Variants in CAMK2B observed in about 807,000 individuals in gnomAD.
The protein encoded by CAMK2B is calcium/calmodulin-dependent protein kinase type II subunit beta.
A neutral mutation model predicts 93.7 loss-of-function variants in CAMK2B; 27 were observed. That is an observed-to-expected ratio of 0.29 (90% CI 0.21 to 0.40). The LOEUF is 0.40. Ranked by LOEUF, CAMK2B falls within the 10% of genes least tolerant of loss-of-function variation. CAMK2B has a pLI of 1.00. For missense variants in CAMK2B, 568 were observed against 895.8 expected, an observed-to-expected ratio of 0.63 and a Z score of 4.67; for synonymous variants, 374 against 358.8, an observed-to-expected ratio of 1.04 and a Z score of -0.48.
At chr7:44,243,076 AGGG>A in intron 8 of CAMK2B, among the ~76,000 whole-genome samples, 171 bp downstream of exon 8, 1 of 152,336 alleles carries the variant, frequency 6.6e-6, no homozygotes, top group South Asian at 2.1e-4. Flanking sequence ...CTGGGTGGAA[AGGG>A]GGCTCTTGGC....
Position 44,248,512 on chromosome 7 carries a change from C to T in CAMK2B, c.342-1320G>A, listed in dbSNP as rs1026376278. 8.5e-5 allele frequency among the ~76,000 whole-genome samples: 13 copies of T among 152,168 alleles called. No individual in the cohort carries two copies. The highest frequency in any genetic ancestry group is 6.5e-5 in the Admixed American group (1 of 15,274). Reference sequence around the variant, plus strand: ...CCTGGAGGCATTTGCCACAGGCTGCCGATGCCCACCTGCCTGGGGTCTCAG... The same window carrying T: ...CCTGGAGGCATTTGCCACAGGCTGCTGATGCCCACCTGCCTGGGGTCTCAG... On this transcript the variant is annotated intron_variant, in intron 5 of 23. Transcript: ENST00000395749. The surrounding 1 kb of genome is among the most constrained non-coding windows in gnomAD (Gnocchi z 4.1).
chr7:44,294,319 G>A (rs896676603), intron 1 of CAMK2B, among the ~76,000 whole-genome samples: 1 of 152,184 alleles, frequency 6.6e-6, no homozygotes, highest in Non-Finnish European at 1.5e-5. Context: ...GCTGCTGATG[G>A]GTGGCCTCAG....
intron 23 of CAMK2B, 135 bp downstream of exon 23, chr7:44,219,925 C>T: frequency 1.4e-6 from 1 of 736,030 alleles, no homozygotes; most frequent in Non-Finnish European, 2.2e-6. Flanking sequence ...CCTGTGGCCT[C>T]ACCAGGAAAG....
intron 2 of CAMK2B, among the ~76,000 whole-genome samples, chr7:44,282,584 A>T (rs2097110979): frequency 6.6e-6 from 1 of 152,210 alleles, no homozygotes; most frequent in African/African-American, 2.4e-5. Context: ...GGAGGCAGAC[A>T]AGGGCTGGGA....
intron 1 of CAMK2B, among the ~76,000 whole-genome samples, chr7:44,305,929 G>T (rs534962824): frequency 5.1e-4 from 78 of 151,738 alleles, no homozygotes; most frequent in African/African-American, 1.8e-3. Flanking sequence ...ACAGAAATGG[G>T]CAAACACCAC....
chr7:44,281,868 C>G (rs2097104993), intron 2 of CAMK2B, among the ~76,000 whole-genome samples: 2 of 152,184 alleles, frequency 1.3e-5, no homozygotes, highest in Non-Finnish European at 2.9e-5. Context: ...CGGCCAGGGG[C>G]CACCTCCAGG....
intron 13 of CAMK2B, among the ~76,000 whole-genome samples, chr7:44,236,865 G>A (rs1177720752): frequency 2.0e-5 from 3 of 152,210 alleles, no homozygotes; most frequent in African/African-American, 7.2e-5. Context: ...CACAGCTGGG[G>A]GACGGGCTCC....
At chr7:44,233,433 C>A (rs2096598040) in intron 15 of CAMK2B, among the ~76,000 whole-genome samples, 1 of 152,130 alleles carries the variant, frequency 6.6e-6, no homozygotes, top group Admixed American at 6.5e-5. Context: ...CCCAGGACCG[C>A]TCTCCTCTCC....
At chr7:44,268,521 C>T (rs1388323187) in intron 2 of CAMK2B, 1 of 152,344 alleles carries the variant, frequency 6.6e-6, no homozygotes, top group Non-Finnish European at 1.5e-5. Flanking sequence ...GTCTGGGTTA[C>T]CTGCCTGCAG....
intron 19 of CAMK2B, among the ~76,000 whole-genome samples, chr7:44,227,733 T>TGTGGGGG (rs2096528006): frequency 4.7e-4 from 1 of 2,112 alleles, no homozygotes; most frequent in Non-Finnish European, 7.2e-4. Context: ...GACAGAGGGG[T>TGTGGGGG]ATATGGGGGA....
chr7:44,299,220 G>A (rs1345276558), intron 1 of CAMK2B, among the ~76,000 whole-genome samples: 1 of 152,232 alleles, frequency 6.6e-6, no homozygotes, highest in Non-Finnish European at 1.5e-5. Flanking sequence ...TGAAAAGGAA[G>A]GAAATCATGT....
intron 2 of CAMK2B, among the ~76,000 whole-genome samples, chr7:44,264,467 C>A (rs2096906671): frequency 6.6e-6 from 1 of 152,180 alleles, no homozygotes; most frequent in Non-Finnish European, 1.5e-5. Flanking sequence ...GCTCCCCCCT[C>A]CCAGGACAGG....
rs1257591183 is a variant in CAMK2B, at chr7:44,218,452, G to C, written c.*1073C>G. The C allele has an allele frequency of 2.6e-5, 4 of 152,282 alleles. No homozygotes were observed. Among genetic ancestry groups the C allele is most frequent in the African/African-American group, 9.6e-5 (4 of 41,458 alleles). 9.4% of individuals were successfully genotyped at this position (152,282 alleles called of 1,614,324 possible). A position where few individuals can be genotyped will look rare whatever the true frequency, so the allele number is the denominator to read the frequency against. On this transcript the variant is annotated 3_prime_UTR_variant, in exon 24 of 24. Coordinates refer to ENST00000395749, the MANE Select transcript of CAMK2B (RefSeq NM_001220.5). ...GCTTCAGCTGGGGGCTCAGGGACTT[G>C]AGCGAGGCCCGCAGTCCTTTGTCAA...
rs1346701539 is a variant in CAMK2B at position 44,248,465 on chromosome 7, C to T, written c.342-1273G>A. On this transcript the variant is annotated intron_variant, in intron 5 of 23. Transcript: ENST00000395749. The surrounding 1 kb of genome is among the most constrained non-coding windows in gnomAD (Gnocchi z 4.1). ...CAATGCAGGGTGATAGCAGCCACCA[C>T]CTCCGAGGCTGCCCTGCTGGGCCTG... Among the ~76,000 whole-genome samples the T allele has an allele frequency of 6.6e-6, 1 of 152,216 alleles. No individual in the cohort carries two copies. Among genetic ancestry groups the T allele is most frequent in the Non-Finnish European group, 1.5e-5 (1 of 68,040 alleles).
At chr7:44,274,530 C>T (rs1027993070) in intron 2 of CAMK2B, among the ~76,000 whole-genome samples, 2 of 152,366 alleles carry the variant, frequency 1.3e-5, no homozygotes, top group South Asian at 2.1e-4. Context: ...CCCAAGTCGT[C>T]CCGGGCACCT....
chr7:44,231,073 C>A lies in CAMK2B; in HGVS notation c.1177-19G>T. On this transcript the variant is annotated intron_variant, in intron 16 of 23. Coordinates refer to ENST00000395749, the MANE Select transcript of CAMK2B (RefSeq NM_001220.5). ...AAGACTCCTGAGGAAACACGGGAGG[C>A]AGCGGGTCAGGATGCGGCCAAGGAT... 6.4e-7 allele frequency: 1 copy of A among 1,551,880 alleles called. No homozygotes were observed. The highest frequency in any genetic ancestry group is 8.7e-7 in the Non-Finnish European group (1 of 1,147,054).
intron 13 of CAMK2B, among the ~76,000 whole-genome samples, chr7:44,238,793 G>C (rs2096649008): frequency 1.3e-5 from 2 of 152,202 alleles, no homozygotes; most frequent in African/African-American, 4.8e-5. Context: ...GGCGTTGTCA[G>C]CTTGGCCTGC....
intron 2 of CAMK2B, among the ~76,000 whole-genome samples, chr7:44,275,158 G>A (rs1029605137): frequency 5.9e-5 from 9 of 152,174 alleles, no homozygotes; most frequent in Non-Finnish European, 8.8e-5. Context: ...CTGGCTCAGG[G>A]GTTCCTCCCT....
At chr7:44,245,615 C>G (rs1387796667) in intron 6 of CAMK2B, among the ~76,000 whole-genome samples, 1 of 152,172 alleles carries the variant, frequency 6.6e-6, no homozygotes, top group African/African-American at 2.4e-5. Context: ...CCTGGGGGCC[C>G]CCTCCTCCCA....
Sources: allele counts gnomAD v4.1 joint callset (sites outside exome capture counted in the v4.1 genomes callset), GRCh38; gene constraint gnomAD v4.1.1; non-coding constraint Gnocchi (gnomAD v3.1); transcripts MANE v1.5; gene names NCBI Gene and HGNC (gene_info 2026-07-23, HGNC 2026-07-21).